Variants in OCIAD2 observed in about 807,000 individuals in gnomAD.
OCIAD2 encodes OCIA domain-containing protein 2.
OCIAD2 carries 29 observed loss-of-function variants against 22.9 expected under a neutral mutation model. The ratio of observed to expected loss-of-function variants is 1.27; its 90% CI spans 0.94 to 1.73. The LOEUF is 1.73. Ranked by LOEUF, OCIAD2 falls within the 40% of genes most tolerant of loss-of-function variation. The probability of loss-of-function intolerance (pLI) is 0.00; values close to 1 mark genes in which losing one functional copy is unlikely to be tolerated. For missense variants in OCIAD2, 189 were observed against 180.3 expected (o/e 1.05, Z -0.28); for synonymous variants, 67 against 60.2 (o/e 1.11, Z -0.52).
chr4:48,903,632 A>G (rs1194273524), intron 2 of OCIAD2, among the ~76,000 whole-genome samples: 1 of 149,564 alleles, frequency 6.7e-6, no homozygotes, highest in Admixed American at 6.7e-5. Context: ...GAGTAAAGAA[A>G]GGGTTTTTTT....
At chr4:48,905,521 T>C (rs767278274) in intron 1 of OCIAD2, among the ~76,000 whole-genome samples, 8 of 151,686 alleles carry the variant, frequency 5.3e-5, no homozygotes, top group Non-Finnish European at 8.8e-5. Context: ...ATCAACACCA[T>C]CACATGGCTT....
At position 48,901,538 on chromosome 4, in the gene OCIAD2, A is replaced by G. The variant is rs1781418549; in HGVS notation, c.67-1613T>C. ...TATCCAGTTTTCTAAGCTGATAGGT[A>G]TAAAGTAACATTTATTATCCTGTTT... On this transcript the variant is annotated intron_variant, in intron 2 of 6. Transcript: ENST00000508632. Among the ~76,000 whole-genome samples, 4 of 152,226 alleles carry G rather than the reference A, an allele frequency of 2.6e-5. No homozygotes were observed. In the South Asian group the frequency reaches 8.3e-4, roughly 32 times the overall value.
chr4:48,896,864 G>A (rs540370940), intron 4 of OCIAD2, among the ~76,000 whole-genome samples: 1 of 152,336 alleles, frequency 6.6e-6, no homozygotes, highest in Admixed American at 6.5e-5. Flanking sequence ...TGTGGACTAA[G>A]GAATGTCTCT....
chr4:48,905,284 G>A (rs1204069297), intron 1 of OCIAD2, among the ~76,000 whole-genome samples: 1 of 152,230 alleles, frequency 6.6e-6, no homozygotes, highest in East Asian at 1.9e-4. Context: ...TCCAGAACAG[G>A]GGTAGGCTAG....
At chr4:48,896,773 A>T (rs1781311891) in intron 4 of OCIAD2, among the ~76,000 whole-genome samples, 1 of 3,308 alleles carries the variant, frequency 3.0e-4, no homozygotes, top group South Asian at 0.038. Flanking sequence ...GTCTCATTTA[A>T]AAAAAAAAAT....
At chr4:48,893,758 C>T (rs911514261) in intron 5 of OCIAD2, 3 of 256,742 alleles carry the variant, frequency 1.2e-5, no homozygotes, top group Non-Finnish European at 2.2e-5. Flanking sequence ...GCTGATTTTT[C>T]CAAAAGTCAA....
In OCIAD2 at chr4:48,904,479, T is replaced by C. The variant is rs1448222332; in HGVS notation, c.66+5A>G. 1.9e-6 allele frequency: 3 copies of C among 1,612,748 alleles called. No individual in the cohort carries two copies. Among genetic ancestry groups the C allele is most frequent in the South Asian group, 1.1e-5 (1 of 91,052 alleles). ...ATGAATCGATCAATAAATATAAAAG[T>C]ATACCTGCTTGCTTGGTGGTGGAAA... is the stretch of plus-strand genomic sequence containing the variant. On this transcript the variant is annotated splice_donor_5th_base_variant and intron_variant, in intron 2 of 6. Transcript: ENST00000508632.
At chr4:48,904,749 C>T in intron 1 of OCIAD2, 138 bp from the exon 2 acceptor site, 6 of 609,796 alleles carry the variant, frequency 9.8e-6, no homozygotes, top group Non-Finnish European at 1.8e-5. Context: ...ACTCAACTTC[C>T]AGTGCTCCTC....
At chr4:48,896,259 C>T (rs1328700937) in intron 4 of OCIAD2, among the ~76,000 whole-genome samples, 1 of 151,982 alleles carries the variant, frequency 6.6e-6, no homozygotes, top group East Asian at 1.9e-4. Flanking sequence ...AGGACTTCTT[C>T]CCTCATATTT....
chr4:48,901,577 A>G (rs1356148621), intron 2 of OCIAD2, among the ~76,000 whole-genome samples: 4 of 152,186 alleles, frequency 2.6e-5, no homozygotes, highest in African/African-American at 9.7e-5. Flanking sequence ...CTTCTTTGAT[A>G]ACGAATGTGT....
chr4:48,886,742 TG>T (rs1275467930), intron 6 of OCIAD2, among the ~76,000 whole-genome samples: 9 of 152,190 alleles, frequency 5.9e-5, no homozygotes, highest in African/African-American at 2.2e-4. Flanking sequence ...AGTCTATCAT[TG>T]TTGGACATTG....
chr4:48,885,463 C>A lies in OCIAD2; in HGVS notation c.*21G>T. 1 of 1,445,288 alleles carries A rather than the reference C, an allele frequency of 6.9e-7. No individual in the cohort carries two copies. The highest frequency in any genetic ancestry group is 9.7e-7 in the Non-Finnish European group (1 of 1,031,456). The allele number at this position is 1,445,288 out of a possible 1,614,324, so 89.5% of individuals were successfully genotyped here. A position where few individuals can be genotyped will look rare whatever the true frequency, so the allele number is the denominator to read the frequency against. The stretch of plus-strand genomic sequence containing the variant: ...ACAAATTCAGAGGTTTAAAAAACTT[C>A]GAAAGTCACAGACACAGAATTTAGG... On this transcript the variant is annotated 3_prime_UTR_variant, in exon 7 of 7. Transcript: ENST00000508632.
chr4:48,891,538 T>C (rs760762467), intron 6 of OCIAD2, among the ~76,000 whole-genome samples: 1 of 152,204 alleles, frequency 6.6e-6, no homozygotes, highest in Non-Finnish European at 1.5e-5. Flanking sequence ...ACAGACATTG[T>C]CTGAAAAATG....
chr4:48,893,193 A>G, intron 5 of OCIAD2: 1 of 184,854 alleles, frequency 5.4e-6, no homozygotes, highest in Non-Finnish European at 1.1e-5. Flanking sequence ...GGGCAGGGGA[A>G]GGTGGCTGGG....
rs548091300 is a variant in OCIAD2, at chr4:48,889,924, C to T, written c.383+2848G>A. ...ATATACACCTTGGAATACTATACAGCCATAAAAAAGGATGAGCTCATGTCC... is the reference window on the plus strand; with the variant it reads ...ATATACACCTTGGAATACTATACAGTCATAAAAAAGGATGAGCTCATGTCC... On this transcript the variant is annotated intron_variant, in intron 6 of 6. Transcript: ENST00000508632. 7.9e-5 allele frequency among the ~76,000 whole-genome samples: 12 copies of T among 152,142 alleles called. 1 individual carries two copies. The South Asian group carries it at 2.3e-3, about 29-fold the overall frequency.
chr4:48,887,017 T>C (rs1781006920), intron 6 of OCIAD2, among the ~76,000 whole-genome samples: 1 of 152,328 alleles, frequency 6.6e-6, no homozygotes, highest in East Asian at 1.9e-4. Flanking sequence ...TTCCTGACTT[T>C]TTAATGATAG....
intron 1 of OCIAD2, among the ~76,000 whole-genome samples, chr4:48,905,276 C>T (rs1211429462): frequency 6.6e-6 from 1 of 151,930 alleles, no homozygotes; most frequent in African/African-American, 2.4e-5. Context: ...TCTAGAGTTC[C>T]AGAACAGGGG....
chr4:48,899,442 G>C (rs540660761), intron 3 of OCIAD2, among the ~76,000 whole-genome samples: 2 of 152,274 alleles, frequency 1.3e-5, no homozygotes, highest in South Asian at 4.1e-4. Flanking sequence ...ACTGTGCTAG[G>C]CTCTAGAATG....
intron 5 of OCIAD2, 30 bp from the exon 6 acceptor site, chr4:48,892,919 G>T: frequency 1.8e-6 from 2 of 1,125,846 alleles, no homozygotes; most frequent in African/African-American, 1.6e-5. Flanking sequence ...GAGATTAGTT[G>T]AGAATCTTCT....
Sources: gnomAD v4.1 joint callset for allele counts (sites outside exome capture counted in the v4.1 genomes callset) on GRCh38, gnomAD v4.1.1 for gene constraint, MANE v1.5 for transcripts, NCBI Gene and HGNC (gene_info 2026-07-23, HGNC 2026-07-21) for gene names.